ABCG2: variants seen among roughly 807,000 people sequenced by gnomAD.
The protein encoded by ABCG2 is ATP binding cassette subfamily G member 2 (JR blood group), also known as broad substrate specificity ATP-binding cassette transporter ABCG2.
A neutral mutation model predicts 73.5 loss-of-function variants in ABCG2; 80 were observed. The observed-to-expected ratio is 1.09, with a 90% CI of 0.91 to 1.31. ABCG2 has a LOEUF of 1.31. ABCG2 is among the 50% of genes most tolerant of loss of function. ABCG2 has a pLI of 0.00. For synonymous variants in ABCG2, 269 were observed against 282.4 expected (o/e 0.95, Z 0.48); for missense variants, 796 against 786.2 (o/e 1.01, Z -0.15).
chr4:88,097,956 A>T (rs185809607), intron 12 of ABCG2, among the ~76,000 whole-genome samples: 1 of 151,708 alleles, frequency 6.6e-6, no homozygotes, highest in Non-Finnish European at 1.5e-5. Flanking sequence ...CACATTACTC[A>T]TTGTGTGCTG....
rs387906869 is a variant in ABCG2 at position 88,113,384 on chromosome 4, GGT to G, written c.1111_1112del (p.Thr371LeufsTer20). ...CCCATCTGAGTTGATGACAGAAGGA[GGT>G]GGTGTAGCTGATCTCCTTGAAGACT... ...ITVFKEISYT[T>X]SFCHQLRWVS... On this transcript the variant is annotated frameshift_variant, in exon 9 of 16. Transcript: ENST00000237612. LOFTEE classifies it high-confidence loss of function. 3.1e-6 allele frequency: 5 copies of G among 1,614,166 alleles called. No individual in the cohort carries two copies. The South Asian group carries it at 5.5e-5, about 18-fold the overall frequency.
intron 1 of ABCG2, among the ~76,000 whole-genome samples, chr4:88,144,191 T>G (rs945470601): frequency 6.6e-6 from 1 of 152,230 alleles, no homozygotes; most frequent in African/African-American, 2.4e-5. Flanking sequence ...TCTCTTTCTG[T>G]GTCCTAGACC....
At chr4:88,218,042 T>C (rs1414150641) in intron 1 of ABCG2, among the ~76,000 whole-genome samples, 1 of 151,616 alleles carries the variant, frequency 6.6e-6, no homozygotes, top group African/African-American at 2.4e-5. Context: ...CTATCCTCAC[T>C]GGTCTCCCAG....
At chr4:88,104,939 C>T (rs533862134) in intron 10 of ABCG2, among the ~76,000 whole-genome samples, 1 of 152,216 alleles carries the variant, frequency 6.6e-6, no homozygotes, top group African/African-American at 2.4e-5. Flanking sequence ...AGTTGAGGAC[C>T]AGGTTACTCC....
intron 1 of ABCG2, among the ~76,000 whole-genome samples, chr4:88,148,067 G>A (rs1468978566): frequency 1.3e-5 from 2 of 152,182 alleles, no homozygotes; most frequent in African/African-American, 4.8e-5. Context: ...GGAGGGTTTA[G>A]AAGCAAGTTC....
At chr4:88,162,125 T>C (rs984967824), upstream of ABCG2, among the ~76,000 whole-genome samples, 1 of 152,062 alleles carries the variant, frequency 6.6e-6, no homozygotes, top group African/African-American at 2.4e-5. Context: ...GGTGGAAGGA[T>C]TGCTTGAGCC....
At chr4:88,150,506 T>C (rs1391621119) in intron 1 of ABCG2, among the ~76,000 whole-genome samples, 2 of 152,192 alleles carry the variant, frequency 1.3e-5, no homozygotes, top group African/African-American at 4.8e-5. Context: ...TTGATCTGAA[T>C]GGCACTGGAA....
intron 13 of ABCG2, among the ~76,000 whole-genome samples, chr4:88,096,175 G>A (rs559729314): frequency 6.6e-6 from 1 of 152,328 alleles, no homozygotes; most frequent in Admixed American, 6.5e-5. Context: ...GTAGTGAGAG[G>A]TAGAGCATAA....
At chr4:88,102,576 A>T (rs1722501081) in intron 10 of ABCG2, among the ~76,000 whole-genome samples, 1 of 149,192 alleles carries the variant, frequency 6.7e-6, no homozygotes, top group South Asian at 2.2e-4. Flanking sequence ...AGCCTGGGTG[A>T]CAGAGCGAGA....
chr4:88,210,562 T>C (rs1418921714), intron 1 of ABCG2, among the ~76,000 whole-genome samples: 1 of 151,080 alleles, frequency 6.6e-6, no homozygotes, highest in East Asian at 2.0e-4. Flanking sequence ...GTTAAAAGTG[T>C]GCTGGTAGCT....
At chr4:88,121,562 C>T (rs533925471) in intron 6 of ABCG2, 73 bp downstream of exon 6, 4 of 1,402,020 alleles carry the variant, frequency 2.9e-6, no homozygotes, top group Non-Finnish European at 3.9e-6. Flanking sequence ...TTCTGAACCC[C>T]CTGCCCCAAG....
intron 1 of ABCG2, among the ~76,000 whole-genome samples, chr4:88,228,146 C>G (rs772588546): frequency 6.6e-6 from 1 of 152,194 alleles, no homozygotes; most frequent in Non-Finnish European, 1.5e-5. Flanking sequence ...TAACACTTCA[C>G]AAAATGATAT....
rs553150381 is a variant in ABCG2, at chr4:88,204,418, T to TCAAA, written c.-20+26572_-20+26575dup. Among the ~76,000 whole-genome samples the TCAAA allele has an allele frequency of 8.8e-3, 1,335 of 152,100 alleles. 13 individuals are homozygous for TCAAA. Among genetic ancestry groups the TCAAA allele is most frequent in the Admixed American group, 0.015 (227 of 15,270 alleles). On this transcript the variant is annotated intron_variant, in intron 1 of 15. Coordinates refer to the ABCG2 transcript ENST00000515655. ...CCTGGTGACAGAGCAAGACTCCATC[T>TCAAA]CAAACAAACAAACAAACAAACAAAC...
intron 10 of ABCG2, among the ~76,000 whole-genome samples, chr4:88,106,382 T>G (rs1283837253): frequency 6.6e-6 from 1 of 152,098 alleles, no homozygotes; most frequent in Non-Finnish European, 1.5e-5. Flanking sequence ...CATCTATAGA[T>G]GAATGGAAAA....
At chr4:88,225,123 G>A (rs1730156136) in intron 1 of ABCG2, among the ~76,000 whole-genome samples, 1 of 152,188 alleles carries the variant, frequency 6.6e-6, no homozygotes, top group African/African-American at 2.4e-5. Flanking sequence ...AGAGGTCACA[G>A]CAAGTTCAAA....
At chr4:88,212,372 C>T (rs564481451) in intron 1 of ABCG2, among the ~76,000 whole-genome samples, 1 of 152,200 alleles carries the variant, frequency 6.6e-6, no homozygotes, top group African/African-American at 2.4e-5. Flanking sequence ...GTAATTGTAG[C>T]CCCTGGTACT....
chr4:88,167,134 C>T lies in ABCG2; in HGVS notation c.-19-27120G>A, dbSNP rs546674107. Among the ~76,000 whole-genome samples, 108 of 4,850 alleles carry T rather than the reference C, an allele frequency of 0.022. No homozygotes were observed. The Non-Finnish European group carries it at 0.35, about 16-fold the overall frequency. The allele number at this position is 4,850 out of a possible 152,430, so 3.2% of individuals were successfully genotyped here. On this transcript the variant is annotated intron_variant, in intron 1 of 15. Coordinates refer to the ABCG2 transcript ENST00000515655. ...TCAACAGGCCAAGTCAAAGTGTCAGCCAGCTGAAATGAACTCTTAGCTGGA... is the reference window on the plus strand; with the variant it reads ...TCAACAGGCCAAGTCAAAGTGTCAGTCAGCTGAAATGAACTCTTAGCTGGA...
chr4:88,173,275 C>G (rs1727830806), intron 1 of ABCG2, among the ~76,000 whole-genome samples: 1 of 152,098 alleles, frequency 6.6e-6, no homozygotes, highest in East Asian at 1.9e-4. Context: ...CCTTTTTTCC[C>G]TCTTTCCCAC....
intron 1 of ABCG2, among the ~76,000 whole-genome samples, chr4:88,211,603 G>C (rs547225309): frequency 2.6e-5 from 4 of 152,192 alleles, no homozygotes; most frequent in Non-Finnish European, 2.9e-5. Flanking sequence ...ATTTTAAGTA[G>C]AGACGGGGTT....
Sources: gnomAD v4.1 joint callset for allele counts (sites outside exome capture counted in the v4.1 genomes callset) on GRCh38, gnomAD v4.1.1 for gene constraint, MANE v1.5 for transcripts, NCBI Gene and HGNC (gene_info 2026-07-23, HGNC 2026-07-21) for gene names.